Variants in ATP8A1 observed in about 807,000 individuals in gnomAD.
ATP8A1 encodes the protein phospholipid-transporting ATPase IA.
A neutral mutation model predicts 177.7 loss-of-function variants in ATP8A1; 90 were observed. The ratio of observed to expected loss-of-function variants is 0.51; its 90% CI spans 0.43 to 0.60. ATP8A1 has a LOEUF of 0.60. Among genes scored for constraint, ATP8A1 ranks in the 20% least tolerant of loss-of-function variants. ATP8A1 has a pLI of 0.00. For missense variants in ATP8A1, 1,072 were observed against 1,392.8 expected (o/e 0.77, Z 3.67); for synonymous variants, 493 against 485.9 (o/e 1.01, Z -0.19).
At chr4:42,446,772 T>TAAA (rs35005173) in intron 30 of ATP8A1, 128 bp from the exon 31 acceptor site, 57 of 548,102 alleles carry the variant, frequency 1.0e-4, no homozygotes, top group South Asian at 3.1e-4. Flanking sequence ...GAAATGAGAT[T>TAAA]AAAAAAAAAA....
intron 25 of ATP8A1, among the ~76,000 whole-genome samples, chr4:42,479,337 A>G (rs1223366975): frequency 6.6e-6 from 1 of 152,202 alleles, no homozygotes; most frequent in Non-Finnish European, 1.5e-5. Flanking sequence ...CAAAACACCA[A>G]GCCCTTCTTT....
chr4:42,539,397 C>A (rs976860201), intron 20 of ATP8A1, among the ~76,000 whole-genome samples: 2 of 76,856 alleles, frequency 2.6e-5, no homozygotes, highest in Non-Finnish European at 5.4e-5. Context: ...AATAAAATAC[C>A]CCCCCCCCAA....
intron 1 of ATP8A1, among the ~76,000 whole-genome samples, chr4:42,634,212 A>G (rs1739043536): frequency 6.6e-6 from 1 of 152,204 alleles, no homozygotes; most frequent in African/African-American, 2.4e-5. Context: ...CATGAGCCAT[A>G]TAACCTCTTC....
intron 11 of ATP8A1, among the ~76,000 whole-genome samples, chr4:42,579,536 T>C (rs938838193): frequency 6.6e-6 from 1 of 151,172 alleles, no homozygotes; most frequent in East Asian, 1.9e-4. Context: ...TTTTAAGGAA[T>C]AGTTTTCGTT....
intron 13 of ATP8A1, among the ~76,000 whole-genome samples, chr4:42,575,182 C>G (rs751913827): frequency 1.1e-4 from 17 of 152,144 alleles, no homozygotes; most frequent in Non-Finnish European, 1.9e-4. Flanking sequence ...AAAGAAAAAC[C>G]TAGAATATGT....
chr4:42,627,119 A>G lies in ATP8A1; in HGVS notation c.50-10T>C. The G allele has an allele frequency of 6.3e-7, 1 of 1,591,544 alleles. No individual in the cohort carries two copies. Among genetic ancestry groups the G allele is most frequent in the Non-Finnish European group, 8.6e-7 (1 of 1,160,278 alleles). ...TCTGTCTTCTCATAACCTTAAAAAG[A>G]GATCTTCTTATTGTACAAGAAATGT... On this transcript the variant is annotated splice_polypyrimidine_tract_variant and intron_variant, in intron 1 of 36. Coordinates refer to ENST00000381668, the MANE Select transcript of ATP8A1 (RefSeq NM_006095.2).
rs1263688942 is a variant in ATP8A1, at chr4:42,409,303, T to G, written c.*3613A>C. The G allele has an allele frequency of 2.6e-5, 4 of 152,170 alleles. No homozygotes were observed. The highest frequency in any genetic ancestry group is 5.9e-5 in the Non-Finnish European group (4 of 68,004). 9.4% of individuals were successfully genotyped at this position (152,170 alleles called of 1,614,324 possible). On this transcript the variant is annotated 3_prime_UTR_variant, in exon 37 of 37. Transcript: ENST00000381668. ...CATTTATTTCCTTTCCTTCAAAATT[T>G]AACTTACATTCCACTTTAATAGCTG...
chr4:42,433,856 TA>T (rs35018755), intron 33 of ATP8A1, among the ~76,000 whole-genome samples: 4,092 of 139,350 alleles, frequency 0.029, 79 homozygotes, highest in Middle Eastern at 0.092. Flanking sequence ...AAGAGAGTAA[TA>T]AAAAAAAAAA....
intron 5 of ATP8A1, among the ~76,000 whole-genome samples, chr4:42,610,579 G>A (rs1298731858): frequency 8.4e-6 from 1 of 119,154 alleles, no homozygotes; most frequent in African/African-American, 2.7e-5. Flanking sequence ...GCTCCTTTGT[G>A]TGCAAAAAAA....
At position 42,587,585 on chromosome 4, in the gene ATP8A1, G is replaced by A. The variant is rs1420298210; in HGVS notation, c.594+675C>T. ...CCTCCCAAAGTGTGATTACATGTGTGAGCCACTGTGCCCATCCTTGTACAG... is the reference window on the plus strand; with the variant it reads ...CCTCCCAAAGTGTGATTACATGTGTAAGCCACTGTGCCCATCCTTGTACAG... On this transcript the variant is annotated intron_variant, in intron 8 of 36. Coordinates refer to ENST00000381668, the MANE Select transcript of ATP8A1 (RefSeq NM_006095.2). Among the ~76,000 whole-genome samples, 4 of 147,942 alleles carry A rather than the reference G, an allele frequency of 2.7e-5. No homozygotes were observed. The East Asian group carries it at 8.1e-4, about 30-fold the overall frequency.
At chr4:42,553,776 C>T (rs566958553) in intron 16 of ATP8A1, among the ~76,000 whole-genome samples, 33 of 152,196 alleles carry the variant, frequency 2.2e-4, no homozygotes, top group South Asian at 1.0e-3. Flanking sequence ...TAAATATACA[C>T]GTATTGTTTA....
chr4:42,646,534 G>T (rs950773174), intron 1 of ATP8A1, among the ~76,000 whole-genome samples: 2 of 152,206 alleles, frequency 1.3e-5, no homozygotes, highest in East Asian at 3.9e-4. Flanking sequence ...AATTACAGAA[G>T]CTGAACTGGT....
chr4:42,622,834 A>G (rs114240312), intron 4 of ATP8A1, among the ~76,000 whole-genome samples: 2,444 of 152,070 alleles, frequency 0.016, 64 homozygotes, highest in African/African-American at 0.05. Flanking sequence ...ACATGAAGAA[A>G]CCCTGTCAGT....
At chr4:42,595,522 C>A (rs1344558937) in intron 6 of ATP8A1, among the ~76,000 whole-genome samples, 1 of 151,980 alleles carries the variant, frequency 6.6e-6, no homozygotes, top group Non-Finnish European at 1.5e-5. Context: ...ATCAAACACC[C>A]CCTACCTCAA....
intron 11 of ATP8A1, among the ~76,000 whole-genome samples, chr4:42,579,499 ATAGT>A (rs1577632780): frequency 6.7e-6 from 1 of 150,356 alleles, no homozygotes; most frequent in South Asian, 2.1e-4. Context: ...TCTTTACCAT[ATAGT>A]TAACCACCTA....
intron 7 of ATP8A1, 125 bp from the exon 8 acceptor site, chr4:42,588,454 T>A (rs558773223): frequency 2.6e-5 from 18 of 702,330 alleles, no homozygotes; most frequent in Non-Finnish European, 3.9e-5. Context: ...ACTTAGCTTC[T>A]TGATGATTTT....
At chr4:42,586,993 G>A (rs1733673433) in intron 8 of ATP8A1, among the ~76,000 whole-genome samples, 2 of 152,284 alleles carry the variant, frequency 1.3e-5, no homozygotes, top group South Asian at 4.1e-4. Flanking sequence ...CAGGCCCTCT[G>A]TGATGATCTA....
In ATP8A1 at chr4:42,453,138, G is replaced by C. The variant is rs141266453; in HGVS notation, c.2818-1079C>G. ...ATTAGTTCTACTTTTCCATTTTCCT[G>C]ACTGATACTTATTGTCACATGCTAA... On this transcript the variant is annotated intron_variant, in intron 29 of 36. Coordinates refer to ENST00000381668, the MANE Select transcript of ATP8A1 (RefSeq NM_006095.2). Among the ~76,000 whole-genome samples, 5 of 152,276 alleles carry C rather than the reference G, an allele frequency of 3.3e-5. No homozygotes were observed. The East Asian group carries it at 7.7e-4, about 23-fold the overall frequency.
chr4:42,585,176 T>G (rs950049004), intron 9 of ATP8A1, among the ~76,000 whole-genome samples: 1 of 152,162 alleles, frequency 6.6e-6, no homozygotes, highest in African/African-American at 2.4e-5. Context: ...GCTCAAATGT[T>G]ACCTTTTCAA....
Sources: gnomAD v4.1 joint callset for allele counts (sites outside exome capture counted in the v4.1 genomes callset) on GRCh38, gnomAD v4.1.1 for gene constraint, MANE v1.5 for transcripts, NCBI Gene and HGNC (gene_info 2026-07-23, HGNC 2026-07-21) for gene names.